TRMT11: variants seen among roughly 807,000 people sequenced by gnomAD.
TRMT11 encodes tRNA (guanine(10)-N(2))-methyltransferase TRMT11.
Under a neutral mutation model 62.8 loss-of-function variants are expected in TRMT11, and 53 were observed. That is an observed-to-expected ratio of 0.84 (90% confidence interval 0.68 to 1.06). The LOEUF (loss-of-function observed/expected upper bound fraction) is 1.06, where lower values mean the gene tolerates loss of function less well. Ranked by LOEUF, TRMT11 falls within the 50% of genes least tolerant of loss-of-function variation. TRMT11 has a pLI of 0.00. For missense variants in TRMT11, 556 were observed against 553.4 expected (o/e 1.00, Z -0.05); for synonymous variants, 188 against 190.3 (o/e 0.99, Z 0.10).
chr6:126,193,226 T>G (rs1319533548), intron 1 of TRMT11, among the ~76,000 whole-genome samples: 2 of 152,096 alleles, frequency 1.3e-5, no homozygotes, highest in African/African-American at 4.8e-5. Context: ...TTTATTATAG[T>G]CTCTAATGAT....
intron 3 of TRMT11, among the ~76,000 whole-genome samples, chr6:125,997,542 C>G (rs1224654103): frequency 2.0e-5 from 3 of 152,254 alleles, no homozygotes; most frequent in Non-Finnish European, 4.4e-5. Context: ...GAGTATCACT[C>G]TGTTGTCCAT....
At chr6:126,236,016 T>A in the TRMT11 span, among the ~76,000 whole-genome samples, 67 of 152,298 alleles carry the variant, frequency 4.4e-4, no homozygotes, top group African/African-American at 1.5e-3. Flanking sequence ...TATCCAGTAG[T>A]TCATTGCTTT....
the TRMT11 span, among the ~76,000 whole-genome samples, chr6:126,209,605 A>T: frequency 2.8e-4 from 42 of 151,482 alleles, no homozygotes; most frequent in African/African-American, 8.5e-4. Flanking sequence ...GGGCGCCTGT[A>T]GTCCCAGCTA....
intron 21 of TRMT11, among the ~76,000 whole-genome samples, chr6:126,130,277 T>C (rs529943956): frequency 6.6e-6 from 1 of 152,216 alleles, no homozygotes; most frequent in South Asian, 2.1e-4. Flanking sequence ...TGTTGCTCGA[T>C]GTGGTGCTCT....
chr6:126,259,767 A>G, the TRMT11 span, among the ~76,000 whole-genome samples: 1 of 152,184 alleles, frequency 6.6e-6, no homozygotes, highest in East Asian at 1.9e-4. Context: ...GGGTGCATAT[A>G]TATTTATAAT....
chr6:126,059,932 C>G (rs764524315), intron 17 of TRMT11, among the ~76,000 whole-genome samples: 5 of 152,158 alleles, frequency 3.3e-5, no homozygotes, highest in African/African-American at 4.8e-5. Flanking sequence ...TGCATGTCAC[C>G]ACATCCAAAA....
At chr6:126,023,430 A>G (rs528196143) in intron 12 of TRMT11, among the ~76,000 whole-genome samples, 24 of 152,282 alleles carry the variant, frequency 1.6e-4, no homozygotes, top group African/African-American at 5.8e-4. Context: ...TGGGCAGATC[A>G]TGAGGCCAGG....
At chr6:126,048,795 C>A (rs370091791) in intron 16 of TRMT11, among the ~76,000 whole-genome samples, 2 of 152,180 alleles carry the variant, frequency 1.3e-5, no homozygotes, top group Admixed American at 1.3e-4. Flanking sequence ...GTCTCCACTA[C>A]TCCTGGCAGA....
At chr6:126,014,020 A>T (rs1794640902) in intron 11 of TRMT11, among the ~76,000 whole-genome samples, 1 of 152,200 alleles carries the variant, frequency 6.6e-6, no homozygotes, top group Non-Finnish European at 1.5e-5. Context: ...AGAGCTGTGC[A>T]TATATTTAAA....
At chr6:126,046,040 G>T (rs1260412420) in intron 16 of TRMT11, among the ~76,000 whole-genome samples, 1 of 152,030 alleles carries the variant, frequency 6.6e-6, no homozygotes, top group Non-Finnish European at 1.5e-5. Context: ...GCCCTGAATT[G>T]AGTTTACCGT....
At chr6:126,008,216 G>C (rs1446368251) in intron 7 of TRMT11, among the ~76,000 whole-genome samples, 176 bp from the exon 8 acceptor site, 1 of 152,012 alleles carries the variant, frequency 6.6e-6, no homozygotes, top group Non-Finnish European at 1.5e-5. Context: ...CCAGTTTAGT[G>C]ACTATAGCTT....
intron 7 of TRMT11, among the ~76,000 whole-genome samples, chr6:126,006,676 G>A (rs1793404549): frequency 6.6e-6 from 1 of 151,138 alleles, no homozygotes. Context: ...AATGTAAAAA[G>A]TGCTTCAATT....
intron 21 of TRMT11, among the ~76,000 whole-genome samples, chr6:126,131,414 T>C (rs558399777): frequency 3.3e-5 from 5 of 152,202 alleles, no homozygotes; most frequent in African/African-American, 4.8e-5. Flanking sequence ...AAGAGAGAAC[T>C]GCAGGAATTT....
chr6:126,249,226 T>C, the TRMT11 span, among the ~76,000 whole-genome samples: 1 of 152,108 alleles, frequency 6.6e-6, no homozygotes, highest in African/African-American at 2.4e-5. Flanking sequence ...TAATTTCCTA[T>C]CATAAAACAT....
At chr6:126,196,076 A>G (rs1160144321) in intron 1 of TRMT11, among the ~76,000 whole-genome samples, 1 of 152,200 alleles carries the variant, frequency 6.6e-6, no homozygotes, top group Admixed American at 6.5e-5. Flanking sequence ...ATCTCTGCTC[A>G]TATGGCTCAG....
chr6:126,054,845 A>G (rs1776322877), intron 17 of TRMT11, among the ~76,000 whole-genome samples: 1 of 152,224 alleles, frequency 6.6e-6, no homozygotes, highest in Admixed American at 6.5e-5. Flanking sequence ...CTGTCTTCTG[A>G]GACACAGGGT....
chr6:125,999,387 C>G, intron 6 of TRMT11, 70 bp from the exon 7 acceptor site: 2 of 1,247,096 alleles, frequency 1.6e-6, no homozygotes, highest in Non-Finnish European at 2.2e-6. Flanking sequence ...ATACAATGGT[C>G]TTATTGTGAG....
chr6:126,104,172 A>G (rs576233011), intron 17 of TRMT11, among the ~76,000 whole-genome samples: 2 of 152,326 alleles, frequency 1.3e-5, no homozygotes, highest in South Asian at 4.1e-4. Context: ...GGAGCCCAGG[A>G]GATAAAGCAT....
At chr6:126,175,532 A>G (rs1487222413), upstream of TRMT11, among the ~76,000 whole-genome samples, 4 of 152,208 alleles carry the variant, frequency 2.6e-5, no homozygotes, top group South Asian at 4.1e-4. Context: ...GGTTATCTAA[A>G]TCAACTTGAA....
Sources: allele counts gnomAD v4.1 joint callset (sites outside exome capture counted in the v4.1 genomes callset), GRCh38; gene constraint gnomAD v4.1.1; transcripts MANE v1.5; gene names NCBI Gene and HGNC (gene_info 2026-07-23, HGNC 2026-07-21).